Variants in NOS1AP observed in about 807,000 individuals in gnomAD.
NOS1AP encodes nitric oxide synthase 1 adaptor protein.
A neutral mutation model predicts 56.2 loss-of-function variants in NOS1AP; 21 were observed. The ratio of observed to expected loss-of-function variants is 0.37; its 90% CI spans 0.26 to 0.54. NOS1AP has a LOEUF of 0.54. Ranked by LOEUF, NOS1AP falls within the 20% of genes least tolerant of loss-of-function variation. NOS1AP has a pLI of 0.84. For missense variants in NOS1AP, 522 were observed against 657.8 expected, an observed-to-expected ratio of 0.79 and a Z score of 2.26; for synonymous variants, 270 against 274.6, an observed-to-expected ratio of 0.98 and a Z score of 0.17.
intron 2 of NOS1AP, among the ~76,000 whole-genome samples, chr1:162,218,949 T>C (rs1652672728): frequency 6.6e-6 from 1 of 152,162 alleles, no homozygotes. Flanking sequence ...AAACAGTTTT[T>C]CACATGCAGT....
In NOS1AP at chr1:162,148,795, A is replaced by G. The variant is rs543307275; in HGVS notation, c.106-5610A>G. Among the ~76,000 whole-genome samples, 12 of 152,344 alleles carry G rather than the reference A, an allele frequency of 7.9e-5. No individual in the cohort carries two copies. The South Asian group carries it at 8.3e-4, about 11-fold the overall frequency. ...TTGCAGAGGGCCATGTGGGTACTGGAGAAACCAGTAAGGAGGCCATTGTAT... is the reference window on the plus strand; with the variant it reads ...TTGCAGAGGGCCATGTGGGTACTGGGGAAACCAGTAAGGAGGCCATTGTAT... On this transcript the variant is annotated intron_variant, in intron 1 of 9. Transcript: ENST00000361897.
intron 5 of NOS1AP, among the ~76,000 whole-genome samples, chr1:162,340,624 G>A (rs1254248814): frequency 6.6e-6 from 1 of 152,160 alleles, no homozygotes; most frequent in Non-Finnish European, 1.5e-5. Flanking sequence ...GTTTTTCAGT[G>A]CAGTTACAGA....
chr1:162,161,693 G>C (rs1258438638), intron 2 of NOS1AP, among the ~76,000 whole-genome samples: 1 of 152,052 alleles, frequency 6.6e-6, no homozygotes, highest in East Asian at 1.9e-4. Flanking sequence ...CCCAGGTTCA[G>C]GTGGCCCTCC....
chr1:162,127,802 T>A (rs565974169), intron 1 of NOS1AP, among the ~76,000 whole-genome samples: 1 of 152,304 alleles, frequency 6.6e-6, no homozygotes, highest in Admixed American at 6.5e-5. Flanking sequence ...CCCATTCCCA[T>A]GATCCAGTCA....
intron 3 of NOS1AP, among the ~76,000 whole-genome samples, chr1:162,291,399 T>C (rs746043356): frequency 6.6e-6 from 1 of 152,126 alleles, no homozygotes; most frequent in Non-Finnish European, 1.5e-5. Flanking sequence ...AGAAAATAAA[T>C]ACTTAGCAAT....
At chr1:162,214,812 A>G (rs933476859) in intron 2 of NOS1AP, among the ~76,000 whole-genome samples, 1 of 152,196 alleles carries the variant, frequency 6.6e-6, no homozygotes, top group African/African-American at 2.4e-5. Flanking sequence ...GGCTGACAGC[A>G]TATGGGAGTT....
At chr1:162,180,466 G>T (rs1027441929) in intron 2 of NOS1AP, among the ~76,000 whole-genome samples, 1 of 152,028 alleles carries the variant, frequency 6.6e-6, no homozygotes, top group Non-Finnish European at 1.5e-5. Context: ...GGATGGTCTC[G>T]ATCTCCTGAC....
Position 162,261,513 on chromosome 1 carries a change from A to AAGAGAAGAGAAGAGAG in NOS1AP, c.178-25831_178-25830insAGAGAAGAGAAGAGAG, listed in dbSNP as rs1557853869. ...GAGAGAGAGAGAGAGAGAGAGAGAGAGAGAGAGAGAGAGAGAGAGAGAGAG... is the reference window on the plus strand; with the variant it reads ...GAGAGAGAGAGAGAGAGAGAGAGAGAAGAGAAGAGAAGAGAGGAGAGAGAGAGAGAGAGAGAGAGAG... On this transcript the variant is annotated intron_variant, in intron 2 of 9. Transcript: ENST00000361897. Among the ~76,000 whole-genome samples the AAGAGAAGAGAAGAGAG allele has an allele frequency of 8.5e-3, 185 of 21,650 alleles. 52 individuals are homozygous for AAGAGAAGAGAAGAGAG. Among genetic ancestry groups the AAGAGAAGAGAAGAGAG allele is most frequent in the African/African-American group, 0.025 (179 of 7,142 alleles). 14.2% of individuals were successfully genotyped at this position (21,650 alleles called of 152,430 possible). A position where few individuals can be genotyped will look rare whatever the true frequency, so the allele number is the denominator to read the frequency against.
chr1:162,355,388 C>A, intron 7 of NOS1AP, 35 bp downstream of exon 7: 2 of 1,612,950 alleles, frequency 1.2e-6, no homozygotes, highest in Admixed American at 1.7e-5. Context: ...GTGATCTGCA[C>A]ACGTGTGCCC....
Position 162,101,296 on chromosome 1 carries a change from A to G in NOS1AP, c.105+31014A>G, listed in dbSNP as rs1040033825. Among the ~76,000 whole-genome samples the G allele has an allele frequency of 3.3e-5, 5 of 152,174 alleles. No homozygotes were observed. In the East Asian group the frequency reaches 9.7e-4, roughly 29 times the overall value. The stretch of plus-strand genomic sequence containing the variant: ...TCTCTATTCTGTTCCATTGGTCTAT[A>G]TGTCTGTTCTTGTACCAGTACCATG... On this transcript the variant is annotated intron_variant, in intron 1 of 9. Transcript: ENST00000361897.
Position 162,369,706 on chromosome 1 carries a change from G to T in NOS1AP, c.*2239G>T, listed in dbSNP as rs1359415658. ...CCCATCCAAGACTCCTGCCCTTGGG[G>T]TGTTCCATGGTGGTTTCTTCCTGCC... is the stretch of plus-strand genomic sequence containing the variant. On this transcript the variant is annotated 3_prime_UTR_variant, in exon 10 of 10. Transcript: ENST00000361897. The T allele has an allele frequency of 6.6e-6, 1 of 152,298 alleles. No individual in the cohort carries two copies. Among genetic ancestry groups the T allele is most frequent in the African/African-American group, 2.4e-5 (1 of 41,460 alleles). The allele number at this position is 152,298 out of a possible 1,614,324, so 9.4% of individuals were successfully genotyped here.
rs528810485 is a variant in NOS1AP at position 162,264,072 on chromosome 1, G to A, written c.178-23272G>A. ...ACATCTACATCAGACTTGCCTCCAC[G>A]CTGAACCTGTTTTTCATACTGTGAC... On this transcript the variant is annotated intron_variant, in intron 2 of 9. Coordinates refer to ENST00000361897, the MANE Select transcript of NOS1AP (RefSeq NM_014697.3). 2.1e-4 allele frequency among the ~76,000 whole-genome samples: 32 copies of A among 152,270 alleles called. 1 individual carries two copies. Among genetic ancestry groups the A allele is most frequent in the African/African-American group, 6.7e-4 (28 of 41,550 alleles).
At chr1:162,321,231 A>G (rs1042510746) in intron 4 of NOS1AP, among the ~76,000 whole-genome samples, 18 of 152,258 alleles carry the variant, frequency 1.2e-4, no homozygotes, top group South Asian at 4.1e-4. Flanking sequence ...GTCAAAGATC[A>G]GATAGTTGTA....
chr1:162,245,130 A>G (rs1447377217), intron 2 of NOS1AP, among the ~76,000 whole-genome samples: 1 of 152,212 alleles, frequency 6.6e-6, no homozygotes, highest in Non-Finnish European at 1.5e-5. Flanking sequence ...AATTGCTGTG[A>G]ACATTCCTGC....
At chr1:162,319,527 T>C (rs776342360) in intron 4 of NOS1AP, among the ~76,000 whole-genome samples, 2 of 152,136 alleles carry the variant, frequency 1.3e-5, no homozygotes, top group Non-Finnish European at 2.9e-5. Context: ...TGCCCTGCAA[T>C]CCCTGTACCC....
chr1:162,357,279 A>T, intron 8 of NOS1AP, 143 bp downstream of exon 8: 18 of 1,340,748 alleles, frequency 1.3e-5, no homozygotes, highest in Non-Finnish European at 1.8e-5. Context: ...CTTGTTGGGG[A>T]GTGGGGGCAG....
chr1:162,179,023 T>C (rs1651163938), intron 2 of NOS1AP, among the ~76,000 whole-genome samples: 1 of 152,184 alleles, frequency 6.6e-6, no homozygotes, highest in African/African-American at 2.4e-5. Context: ...TGGTTATGTA[T>C]ACTGTTTCTT....
intron 2 of NOS1AP, among the ~76,000 whole-genome samples, chr1:162,231,081 G>C (rs1436900374): frequency 6.6e-6 from 1 of 152,110 alleles, no homozygotes; most frequent in Non-Finnish European, 1.5e-5. Context: ...CATAGCAAAT[G>C]CATCATTTTA....
intron 6 of NOS1AP, among the ~76,000 whole-genome samples, chr1:162,347,701 G>A (rs1202160756): frequency 1.3e-5 from 2 of 152,156 alleles, no homozygotes; most frequent in South Asian, 4.2e-4. Flanking sequence ...TGTGATTCAC[G>A]ATTCCCTGGG....
Sources: gnomAD v4.1 joint callset for allele counts (sites outside exome capture counted in the v4.1 genomes callset) on GRCh38, gnomAD v4.1.1 for gene constraint, MANE v1.5 for transcripts, NCBI Gene and HGNC (gene_info 2026-07-23, HGNC 2026-07-21) for gene names.